OR2T12: variants seen among roughly 807,000 people sequenced by gnomAD.
The protein encoded by OR2T12 is olfactory receptor 2T12.
For missense variants in OR2T12, 335 were observed against 404.3 expected (o/e 0.83, Z 1.47); for synonymous variants, 127 against 160.5 (o/e 0.79, Z 1.58).
intron 1 of OR2T12, among the ~76,000 whole-genome samples, chr1:248,302,186 T>A (rs903456780): frequency 6.6e-6 from 1 of 151,938 alleles, no homozygotes; most frequent in Non-Finnish European, 1.5e-5. Flanking sequence ...AAGCAACAAA[T>A]CTCTCATATT....
intron 2 of OR2T12, among the ~76,000 whole-genome samples, chr1:248,300,336 A>G (rs1474484347): frequency 6.6e-6 from 1 of 152,130 alleles, no homozygotes; most frequent in Non-Finnish European, 1.5e-5. Context: ...GTCAATCATC[A>G]TGAAGAGAGA....
At position 248,303,350 on chromosome 1, in the gene OR2T12, T is replaced by G. The variant is rs1659836738; in HGVS notation, c.-194A>C. On this transcript the variant is annotated 5_prime_UTR_variant, in exon 1 of 3. Transcript: ENST00000641276. ...GCTTGTGCTTGGTTAACTTACCTCT[T>G]AGTACTGATCTGAATAGTGTATATT... The G allele has an allele frequency of 6.6e-6, 1 of 152,148 alleles. No homozygotes were observed. The highest frequency in any genetic ancestry group is 1.5e-5 in the Non-Finnish European group (1 of 67,992). The allele number at this position is 152,148 out of a possible 1,614,324, so 9.4% of individuals were successfully genotyped here. A position where few individuals can be genotyped will look rare whatever the true frequency, so the allele number is the denominator to read the frequency against.
At chr1:248,298,925 T>C (rs112668545) in intron 2 of OR2T12, among the ~76,000 whole-genome samples, 1 of 152,104 alleles carries the variant, frequency 6.6e-6, no homozygotes, top group Non-Finnish European at 1.5e-5. Context: ...ATTTCATATC[T>C]AGCCAAACTA....
chr1:248,294,878 T>C lies in OR2T12; in HGVS notation c.701A>G (p.Lys234Arg), dbSNP rs1358748108. The change falls in exon 3 of 3, where the codon AAG becomes AGG. Residue 234 changes from lysine to arginine, a missense_variant. By Grantham distance (26) the Lys-to-Arg change is conservative. Coordinates refer to ENST00000641276, the MANE Select transcript of OR2T12 (RefSeq NM_001004692.2). ...ATGTGAAGAGCAGGTGGCAAAGGCC[T>C]TCTTGCGGGCTTCTGTAGAGCGCAT... ...LLMRSTEARK[K>R]AFATCSSHVA... 1 of 1,612,164 alleles carries C rather than the reference T, an allele frequency of 6.2e-7. No individual in the cohort carries two copies. Among genetic ancestry groups the C allele is most frequent in the East Asian group, 2.2e-5 (1 of 44,876 alleles).
At chr1:248,296,241 A>T (rs972449596) in intron 2 of OR2T12, among the ~76,000 whole-genome samples, 1 of 152,018 alleles carries the variant, frequency 6.6e-6, no homozygotes, top group African/African-American at 2.4e-5. Context: ...CATTTTCTTA[A>T]TCCAGTCTAT....
rs750662110 is a variant in OR2T12 at position 248,294,697 on chromosome 1, C to T, written c.882G>A (p.Glu294=). Residue 294 remains glutamate (E), a synonymous_variant, in exon 3 of 3, where the codon GAG becomes GAA. Transcript: ENST00000641276. The stretch of plus-strand genomic sequence containing the variant: ...GCCACCGTTTCAGGGCTTCCTTGAC[C>T]TCACTGTTCCTCACACTGTAGATGA... ...NPLIYSVRNS[E]VKEALKRWLG... is the part of the protein sequence containing the mutation. 5 of 1,613,944 alleles carry T rather than the reference C, an allele frequency of 3.1e-6. No homozygotes were observed. Among genetic ancestry groups the T allele is most frequent in the South Asian group, 2.2e-5 (2 of 91,074 alleles).
At chr1:248,297,054 C>A (rs113890411) in intron 2 of OR2T12, among the ~76,000 whole-genome samples, 3 of 152,056 alleles carry the variant, frequency 2.0e-5, no homozygotes, top group Non-Finnish European at 4.4e-5. Flanking sequence ...AGGGATCCAG[C>A]TTCAGCTTTC....
chr1:248,292,473 A>G lies in OR2T12; in HGVS notation c.*2143T>C, dbSNP rs573813725. ...CTTCCAGAGACAATGTATCTTCAAT[A>G]TAAGTGTCTGAAAGTTAACCTGTCA... On this transcript the variant is annotated 3_prime_UTR_variant, in exon 3 of 3. Transcript: ENST00000641276. 1.7e-4 allele frequency: 26 copies of G among 152,260 alleles called. No individual in the cohort carries two copies. Among genetic ancestry groups the G allele is most frequent in the South Asian group, 1.7e-3 (8 of 4,830 alleles). 9.4% of individuals were successfully genotyped at this position (152,260 alleles called of 1,614,324 possible). A position where few individuals can be genotyped will look rare whatever the true frequency, so the allele number is the denominator to read the frequency against.
At position 248,295,227 on chromosome 1, in the gene OR2T12, A is replaced by C; in HGVS notation, c.352T>G (p.Tyr118Asp). ...TGGCAGACAGCCGCATAGCGGTCAT[A>C]GGCCATGGCTGCTAAGAGGAAGCAC... ...GECFLLAAMA[Y>D]DRYAAVCHPL... Residue 118 changes from tyrosine (Y) to aspartate (D), a missense_variant, in exon 3 of 3, where the codon TAT (tyrosine) becomes GAT (aspartate). Coordinates refer to ENST00000641276, the MANE Select transcript of OR2T12 (RefSeq NM_001004692.2). The C allele has an allele frequency of 1.2e-6, 2 of 1,609,258 alleles. No individual in the cohort carries two copies. The highest frequency in any genetic ancestry group is 8.5e-7 in the Non-Finnish European group (1 of 1,178,452).
chr1:248,302,888 A>T (rs1455730611), intron 1 of OR2T12, among the ~76,000 whole-genome samples: 1 of 152,168 alleles, frequency 6.6e-6, no homozygotes, highest in East Asian at 1.9e-4. Context: ...TCAGAAAGCA[A>T]GAGTGACACA....
chr1:248,296,717 T>A (rs1405905345), intron 2 of OR2T12, among the ~76,000 whole-genome samples: 1 of 152,144 alleles, frequency 6.6e-6, no homozygotes, highest in Non-Finnish European at 1.5e-5. Flanking sequence ...TTTTTTCTCG[T>A]AAATTTGTTT....
rs1659682546 is a variant in OR2T12 at position 248,294,527 on chromosome 1, A to G, written c.*89T>C. 5 of 1,480,046 alleles carry G rather than the reference A, an allele frequency of 3.4e-6. No homozygotes were observed. The South Asian group carries it at 6.9e-5, about 20-fold the overall frequency. 91.7% of individuals were successfully genotyped at this position (1,480,046 alleles called of 1,614,324 possible). A position where few individuals can be genotyped will look rare whatever the true frequency, so the allele number is the denominator to read the frequency against. On this transcript the variant is annotated 3_prime_UTR_variant, in exon 3 of 3. Transcript: ENST00000641276. ...CTTATTATATCAATACACAAACTTA[A>G]TTTTCTCTTCATGAATTACTAAAGG...
intron 1 of OR2T12, among the ~76,000 whole-genome samples, chr1:248,302,343 G>C (rs1659822464): frequency 6.6e-6 from 1 of 152,016 alleles, no homozygotes; most frequent in Admixed American, 6.6e-5. Flanking sequence ...AGATCACAGG[G>C]AATGACTTCA....
In OR2T12 at chr1:248,294,627, T is replaced by C. The variant is rs2103037338; in HGVS notation, c.952A>G (p.Arg318Gly). 6.2e-7 allele frequency: 1 copy of C among 1,613,898 alleles called. No homozygotes were observed. Among genetic ancestry groups the C allele is most frequent in the East Asian group, 2.2e-5 (1 of 44,884 alleles). Residue 318 changes from arginine to glycine, a missense_variant, in exon 3 of 3, where the codon AGG (arginine) becomes GGG (glycine). Arg to Gly is a moderately radical substitution (Grantham distance 125). Coordinates refer to ENST00000641276, the MANE Select transcript of OR2T12 (RefSeq NM_001004692.2). ...CATCTGACACTAGATCATCTTGACC[T>C]GTGGGCCTCATTTTGCTGGTGTTTT... ...NLKHQQNEAH[R>G]SR
At position 248,295,117 on chromosome 1, in the gene OR2T12, G is replaced by A; in HGVS notation, c.462C>T (p.Gly154=). The A allele has an allele frequency of 6.4e-7, 1 of 1,570,084 alleles. No homozygotes were observed. Among genetic ancestry groups the A allele is most frequent in the South Asian group, 1.1e-5 (1 of 90,678 alleles). The change falls in exon 3 of 3, where the codon GGC becomes GGT. Residue 154 remains glycine (G), a synonymous_variant. Coordinates refer to ENST00000641276, the MANE Select transcript of OR2T12 (RefSeq NM_001004692.2). The part of the protein sequence containing the change: ...MSSWLLGAAD[G]LLQAVATLSF... ...TCAGGGTAGCAACAGCCTGCAGGAG[G>A]CCGTCAGCTGCACCCAGGAGCCAGG...
rs1558276816 is a variant in OR2T12, at chr1:248,295,327, C to T, written c.252G>A (p.Leu84=). 6.2e-7 allele frequency: 1 copy of T among 1,608,896 alleles called. No homozygotes were observed. Among genetic ancestry groups the T allele is most frequent in the Admixed American group, 1.7e-5 (1 of 59,670 alleles). The part of the protein sequence containing the change: ...TTVPKMAADY[L]TGNKAISRAG... ...CGCGGGAGATGGCCTTATTTCCGGT[C>T]AAGTAGTCAGCCGCCATTTTGGGCA... Residue 84 remains leucine, a synonymous_variant, in exon 3 of 3, where the codon TTG becomes TTA. Coordinates refer to ENST00000641276, the MANE Select transcript of OR2T12 (RefSeq NM_001004692.2).
At chr1:248,301,968 A>C (rs1388565060) in intron 1 of OR2T12, among the ~76,000 whole-genome samples, 1 of 152,050 alleles carries the variant, frequency 6.6e-6, no homozygotes, top group East Asian at 1.9e-4. Context: ...AAACCATGAA[A>C]ATCTGGATGA....
At position 248,292,504 on chromosome 1, in the gene OR2T12, A is replaced by T. The variant is rs1009336385; in HGVS notation, c.*2112T>A. On this transcript the variant is annotated 3_prime_UTR_variant, in exon 3 of 3. Transcript: ENST00000641276. ...GTCTGAAAGTTAACCTGTCATTTTG[A>T]AGATTTTGAAGATTTTCTATGCAAA... 6 of 152,086 alleles carry T rather than the reference A, an allele frequency of 3.9e-5. No individual in the cohort carries two copies. The highest frequency in any genetic ancestry group is 7.4e-5 in the Non-Finnish European group (5 of 67,960). 9.4% of individuals were successfully genotyped at this position (152,086 alleles called of 1,614,324 possible).
rs142654576 is a variant in OR2T12, at chr1:248,295,117, G to C, written c.462C>G (p.Gly154=). The C allele has an allele frequency of 0.03, 45,654 of 1,545,996 alleles. 3,155 individuals are homozygous for C. The highest frequency in any genetic ancestry group is 0.13 in the African/African-American group (7,977 of 63,176). The change falls in exon 3 of 3, where the codon GGC becomes GGG. Residue 154 remains glycine (G), a synonymous_variant. Transcript: ENST00000641276. ...TCAGGGTAGCAACAGCCTGCAGGAG[G>C]CCGTCAGCTGCACCCAGGAGCCAGG... is the stretch of plus-strand genomic sequence containing the variant. ...MSSWLLGAAD[G]LLQAVATLSF... is the part of the protein sequence containing the mutation.
Sources: gnomAD v4.1 joint callset for allele counts (sites outside exome capture counted in the v4.1 genomes callset) on GRCh38, gnomAD v4.1.1 for gene constraint, MANE v1.5 for transcripts, NCBI Gene and HGNC (gene_info 2026-07-23, HGNC 2026-07-21) for gene names.